PSMA4: variants seen among roughly 807,000 people sequenced by gnomAD.
The protein encoded by PSMA4 is proteasome 20S subunit alpha 4.
Under a neutral mutation model 37.2 loss-of-function variants are expected in PSMA4, and 8 were observed. The ratio of observed to expected loss-of-function variants is 0.22; its 90% CI spans 0.13 to 0.39. The LOEUF (loss-of-function observed/expected upper bound fraction) is 0.39, where lower values mean the gene tolerates loss of function less well. PSMA4 is among the 10% of genes least tolerant of loss of function. PSMA4 has a pLI of 1.00. For synonymous variants in PSMA4, 93 were observed against 98.8 expected (o/e 0.94, Z 0.35); for missense variants, 169 against 305.1 (o/e 0.55, Z 3.32).
Position 78,549,681 on chromosome 15 carries a change from T to C in PSMA4, c.*737T>C, listed in dbSNP as rs1343057276. ...ATGTCCCATCCCAGATCTACTGAAT[T>C]AAAATCTCTGAGGGTGAAACCCAGT... On this transcript the variant is annotated 3_prime_UTR_variant, in exon 9 of 9. Transcript: ENST00000044462. 6.6e-6 allele frequency: 1 copy of C among 152,246 alleles called. No homozygotes were observed. Among genetic ancestry groups the C allele is most frequent in the Non-Finnish European group, 1.5e-5 (1 of 68,032 alleles). The allele number at this position is 152,246 out of a possible 1,614,324, so 9.4% of individuals were successfully genotyped here.
In PSMA4 at chr15:78,549,691, G is replaced by A. The variant is rs1219277323; in HGVS notation, c.*747G>A. The A allele has an allele frequency of 6.6e-6, 1 of 152,238 alleles. No homozygotes were observed. The highest frequency in any genetic ancestry group is 1.5e-5 in the Non-Finnish European group (1 of 68,040). The allele number at this position is 152,238 out of a possible 1,614,324, so 9.4% of individuals were successfully genotyped here. On this transcript the variant is annotated 3_prime_UTR_variant, in exon 9 of 9. Transcript: ENST00000044462. The stretch of plus-strand genomic sequence containing the variant: ...CCAGATCTACTGAATTAAAATCTCT[G>A]AGGGTGAAACCCAGTAATCTGTTCT...
Position 78,551,111 on chromosome 15 carries a change from C to T in PSMA4, c.*2167C>T, listed in dbSNP as rs1016278205. On this transcript the variant is annotated 3_prime_UTR_variant, in exon 9 of 9. Coordinates refer to ENST00000044462, the MANE Select transcript of PSMA4 (RefSeq NM_002789.6). ...CTGACTTGGACTATTGCAACAGCCT[C>T]CTAACTGGTTCCTTGCCTCCACTTC... is the stretch of plus-strand genomic sequence containing the variant. 3 of 152,198 alleles carry T rather than the reference C, an allele frequency of 2.0e-5. No homozygotes were observed. The highest frequency in any genetic ancestry group is 6.6e-5 in the Admixed American group (1 of 15,258). The allele number at this position is 152,198 out of a possible 1,614,324, so 9.4% of individuals were successfully genotyped here. A position where few individuals can be genotyped will look rare whatever the true frequency, so the allele number is the denominator to read the frequency against.
chr15:78,542,028 G>A (rs1285015274), intron 2 of PSMA4, 98 bp downstream of exon 2: 1 of 1,489,812 alleles, frequency 6.7e-7, no homozygotes, highest in African/African-American at 1.4e-5. Flanking sequence ...TAGAAGGAAA[G>A]CAGTGAGAAG....
chr15:78,545,873 A>C lies in PSMA4; in HGVS notation c.507+109A>C. The C allele has an allele frequency of 2.6e-6, 3 of 1,171,482 alleles. No individual in the cohort carries two copies. In the South Asian group the frequency reaches 4.2e-5, roughly 16 times the overall value. 72.6% of individuals were successfully genotyped at this position (1,171,482 alleles called of 1,614,324 possible). A position where few individuals can be genotyped will look rare whatever the true frequency, so the allele number is the denominator to read the frequency against. Reference sequence around the variant, plus strand: ...ATTTTAAGATAGCTGCAACAACCTTAATGTGATATGGAAATATCTGTGATT... The same window carrying C: ...ATTTTAAGATAGCTGCAACAACCTTCATGTGATATGGAAATATCTGTGATT... On this transcript the variant is annotated intron_variant, in intron 7 of 8. Transcript: ENST00000044462.
Position 78,549,657 on chromosome 15 carries a change from T to A in PSMA4, c.*713T>A, listed in dbSNP as rs1375491204. 1 of 152,250 alleles carries A rather than the reference T, an allele frequency of 6.6e-6. No individual in the cohort carries two copies. Among genetic ancestry groups the A allele is most frequent in the Admixed American group, 6.5e-5 (1 of 15,282 alleles). 9.4% of individuals were successfully genotyped at this position (152,250 alleles called of 1,614,324 possible). On this transcript the variant is annotated 3_prime_UTR_variant, in exon 9 of 9. Coordinates refer to ENST00000044462, the MANE Select transcript of PSMA4 (RefSeq NM_002789.6). Reference sequence around the variant, plus strand: ...TTAGCATCACCTATGCAGATTCTGATGTCCCATCCCAGATCTACTGAATTA... The same window carrying A: ...TTAGCATCACCTATGCAGATTCTGAAGTCCCATCCCAGATCTACTGAATTA...
At chr15:78,543,664 G>A (rs776515321) in intron 4 of PSMA4, among the ~76,000 whole-genome samples, 1 of 151,206 alleles carries the variant, frequency 6.6e-6, no homozygotes, top group Non-Finnish European at 1.5e-5. Flanking sequence ...TGCCTCCTGG[G>A]CTCAAGTGAT....
In PSMA4 at chr15:78,544,851, C is replaced by T; in HGVS notation, c.288-18C>T. 6.5e-7 allele frequency: 1 copy of T among 1,527,214 alleles called. No homozygotes were observed. The highest frequency in any genetic ancestry group is 9.1e-7 in the Non-Finnish European group (1 of 1,104,756). 94.6% of individuals were successfully genotyped at this position (1,527,214 alleles called of 1,614,324 possible). A position where few individuals can be genotyped will look rare whatever the true frequency, so the allele number is the denominator to read the frequency against. ...TGTTTTAGAGAAAACTACTAATGTG[C>T]CCATCTCTTTATCCTAGGTATTTAT... On this transcript the variant is annotated intron_variant, in intron 5 of 8. Transcript: ENST00000044462.
chr15:78,545,685 A>C lies in PSMA4; in HGVS notation c.428A>C (p.Tyr143Ser), dbSNP rs2052539623. 1 of 1,614,014 alleles carries C rather than the reference A, an allele frequency of 6.2e-7. No homozygotes were observed. Among genetic ancestry groups the C allele is most frequent in the East Asian group, 2.2e-5 (1 of 44,866 alleles). The change falls in exon 7 of 9, where the codon TAT (tyrosine) becomes TCT (serine). Residue 143 changes from tyrosine (Y) to serine (S), a missense_variant. By Grantham distance (144) the Tyr-to-Ser change is moderately radical (BLOSUM62 -2). Transcript: ENST00000044462. ...SLLYIGWDKH[Y>S]GFQLYQSDPS... ...CTGTACATTGGCTGGGATAAGCACT[A>C]TGGCTTTCAGCTCTATCAGAGTGAC...
intron 4 of PSMA4, among the ~76,000 whole-genome samples, chr15:78,543,486 C>T (rs938825724): frequency 6.6e-6 from 1 of 152,104 alleles, no homozygotes; most frequent in South Asian, 2.1e-4. Context: ...GTAAACCCTC[C>T]TGCCATTGTC....
chr15:78,544,036 C>A, intron 4 of PSMA4, 154 bp from the exon 5 acceptor site: 1 of 573,758 alleles, frequency 1.7e-6, no homozygotes. Context: ...ACATCTCCTA[C>A]AAAGATAAAA....
chr15:78,541,874 T>C, intron 1 of PSMA4, 31 bp from the exon 2 acceptor site: 2 of 1,513,366 alleles, frequency 1.3e-6, no homozygotes, highest in Non-Finnish European at 1.8e-6. Flanking sequence ...GTGAATCTTA[T>C]TTTAATGATG....
Position 78,544,967 on chromosome 15 carries a change from T to C in PSMA4, c.376+10T>C. The stretch of plus-strand genomic sequence containing the variant: ...TATACACAATTTGGAGGTATTTAAT[T>C]TTTTTGAAAATTTTATTCGAAAAAG... On this transcript the variant is annotated intron_variant, in intron 6 of 8. Transcript: ENST00000044462. 11 of 1,582,642 alleles carry C rather than the reference T, an allele frequency of 7.0e-6. No individual in the cohort carries two copies. The highest frequency in any genetic ancestry group is 9.5e-6 in the Non-Finnish European group (11 of 1,160,158).
At chr15:78,540,689 C>G (rs979741106) in intron 1 of PSMA4, 150 bp downstream of exon 1, 19 of 152,318 alleles carry the variant, frequency 1.2e-4, no homozygotes, top group African/African-American at 4.6e-4. Context: ...CTGTGACGGA[C>G]CGACCGCCGG....
At position 78,548,096 on chromosome 15, in the gene PSMA4, G is replaced by A. The variant is rs150760987; in HGVS notation, c.632-694G>A. Among the ~76,000 whole-genome samples, 215 of 152,152 alleles carry A rather than the reference G, an allele frequency of 1.4e-3. 1 individual carries two copies. The highest frequency in any genetic ancestry group is 5.0e-3 in the African/African-American group (206 of 41,502). On this transcript the variant is annotated intron_variant, in intron 8 of 8. Coordinates refer to ENST00000044462, the MANE Select transcript of PSMA4 (RefSeq NM_002789.6). ...AAATACAAAAAATTAGCCGGGCGTG[G>A]TGGTGCGCACCTGTAATCCTGCTAC...
Position 78,544,049 on chromosome 15 carries a change from T to G in PSMA4, c.210-141T>G. Reference sequence around the variant, plus strand: ...AAACATCTCCTACAAAGATAAAACTTGTAGGTTTTTTCTGAAGGAAGTAGC... The same window carrying G: ...AAACATCTCCTACAAAGATAAAACTGGTAGGTTTTTTCTGAAGGAAGTAGC... On this transcript the variant is annotated intron_variant, in intron 4 of 8. Coordinates refer to ENST00000044462, the MANE Select transcript of PSMA4 (RefSeq NM_002789.6). 5.1e-6 allele frequency: 3 copies of G among 591,236 alleles called. No homozygotes were observed. In the East Asian group the frequency reaches 8.7e-5, roughly 17 times the overall value. 36.6% of individuals were successfully genotyped at this position (591,236 alleles called of 1,614,324 possible).
rs1398264461 is a variant in PSMA4 at position 78,544,183 on chromosome 15, C to A, written c.210-7C>A. On this transcript the variant is annotated splice_region_variant and splice_polypyrimidine_tract_variant and intron_variant, in intron 4 of 8. Coordinates refer to ENST00000044462, the MANE Select transcript of PSMA4 (RefSeq NM_002789.6). Reference sequence around the variant, plus strand: ...TGCTTACAGATCAATGTCTTTTTTTCTTCAAGGGACATGGCTTGCAGTGTG... The same window carrying A: ...TGCTTACAGATCAATGTCTTTTTTTATTCAAGGGACATGGCTTGCAGTGTG... 1.2e-6 allele frequency: 2 copies of A among 1,609,688 alleles called. No homozygotes were observed. The highest frequency in any genetic ancestry group is 1.7e-6 in the Non-Finnish European group (2 of 1,176,920).
At chr15:78,544,677 T>C (rs2052520352) in intron 5 of PSMA4, 192 bp from the exon 6 acceptor site, 3 of 491,640 alleles carry the variant, frequency 6.1e-6, no homozygotes, top group Non-Finnish European at 1.1e-5. Context: ...AAATTACAGA[T>C]TTTTTTCAAC....
In PSMA4 at chr15:78,541,897, T is replaced by G. The variant is rs764604431; in HGVS notation, c.-23-8T>G. ...TATTTTAATGATGATCTGATTTTCT[T>G]TTTACAGGAACTATATAAAGTTCAG... On this transcript the variant is annotated splice_region_variant and splice_polypyrimidine_tract_variant and intron_variant, in intron 1 of 8. Transcript: ENST00000044462. 1.3e-6 allele frequency: 2 copies of G among 1,573,428 alleles called. No individual in the cohort carries two copies. The highest frequency in any genetic ancestry group is 2.2e-5 in the South Asian group (2 of 89,192).
At chr15:78,541,831 AG>A (rs2052458515) in intron 1 of PSMA4, 73 bp from the exon 2 acceptor site, 1 of 1,262,420 alleles carries the variant, frequency 7.9e-7, no homozygotes, top group Non-Finnish European at 1.1e-6. Flanking sequence ...TAAATAAAAC[AG>A]ATTTGTAAAG....
Sources: gnomAD v4.1 joint callset for allele counts (sites outside exome capture counted in the v4.1 genomes callset) on GRCh38, gnomAD v4.1.1 for gene constraint, MANE v1.5 for transcripts, NCBI Gene and HGNC (gene_info 2026-07-23, HGNC 2026-07-21) for gene names.